Variants in TTYH3 observed in about 807,000 individuals in gnomAD.
TTYH3 encodes the protein protein tweety homolog 3.
A neutral mutation model predicts 68.2 loss-of-function variants in TTYH3; 23 were observed. The observed-to-expected ratio is 0.34, with a 90% CI of 0.24 to 0.48. The LOEUF (loss-of-function observed/expected upper bound fraction) is 0.48, where lower values mean the gene tolerates loss of function less well. Ranked by LOEUF, TTYH3 falls within the 20% of genes least tolerant of loss-of-function variation. The pLI, the probability that TTYH3 is intolerant of heterozygous loss-of-function variation, is 0.99. For missense variants in TTYH3, 768 were observed against 727.7 expected, an observed-to-expected ratio of 1.06 and a Z score of -0.64; for synonymous variants, 360 against 332.8, an observed-to-expected ratio of 1.08 and a Z score of -0.89.
In TTYH3 at chr7:2,640,396, G is replaced by A. The variant is rs376328954; in HGVS notation, c.124-6457G>A. Among the ~76,000 whole-genome samples, 755 of 128,024 alleles carry A rather than the reference G, an allele frequency of 5.9e-3. 9 individuals carry two copies. The highest frequency in any genetic ancestry group is 0.019 in the African/African-American group (731 of 39,440). 84.0% of individuals were successfully genotyped at this position (128,024 alleles called of 152,430 possible). ...GTGTGCATGTAGAGCAGCCGCCTGT[G>A]TGTGTGTGGGGGGGGACGTGTGTTC... On this transcript the variant is annotated intron_variant, in intron 1 of 13. Transcript: ENST00000258796.
chr7:2,657,679 G>A (rs1162869768), intron 11 of TTYH3, among the ~76,000 whole-genome samples: 2 of 152,150 alleles, frequency 1.3e-5, no homozygotes, highest in East Asian at 1.9e-4. Flanking sequence ...CTGGAGTGTC[G>A]AGTGGGCACT....
chr7:2,639,604 C>T lies in TTYH3; in HGVS notation c.124-7249C>T, dbSNP rs114155462. Among the ~76,000 whole-genome samples the T allele has an allele frequency of 7.2e-4, 110 of 152,346 alleles. No homozygotes were observed. The East Asian group carries it at 0.013, about 19-fold the overall frequency. On this transcript the variant is annotated intron_variant, in intron 1 of 13. Coordinates refer to ENST00000258796, the MANE Select transcript of TTYH3 (RefSeq NM_025250.3). ...TGGAAGCTGATGCTCCCAATTAGCC[C>T]GGAGCCCAGCCAGGACCACAGCCGT...
intron 13 of TTYH3, among the ~76,000 whole-genome samples, chr7:2,660,811 C>T (rs1220127622): frequency 1.3e-5 from 2 of 152,092 alleles, no homozygotes; most frequent in Non-Finnish European, 2.9e-5. Context: ...CAGGTCTCCT[C>T]ACTGCCGCCG....
Position 2,631,999 on chromosome 7 carries a change from C to CAGCCGAGCCG in TTYH3, c.-156_-147dup, listed in dbSNP as rs1303331145. The CAGCCGAGCCG allele has an allele frequency of 1.9e-6, 1 of 514,836 alleles. No individual in the cohort carries two copies. The highest frequency in any genetic ancestry group is 1.4e-4 in the East Asian group (1 of 7,406). 31.9% of individuals were successfully genotyped at this position (514,836 alleles called of 1,614,324 possible). A position where few individuals can be genotyped will look rare whatever the true frequency, so the allele number is the denominator to read the frequency against. On this transcript the variant is annotated 5_prime_UTR_variant, in exon 1 of 14. Coordinates refer to ENST00000258796, the MANE Select transcript of TTYH3 (RefSeq NM_025250.3). ...GCGGGCGGCCGAGCGGAGCCGAGCG[C>CAGCCGAGCCG]AGCCGAGCCGGGCCGAGCCGGGCCG... is the stretch of plus-strand genomic sequence containing the variant.
intron 13 of TTYH3, among the ~76,000 whole-genome samples, 192 bp from the exon 14 acceptor site, chr7:2,661,476 C>T (rs936772231): frequency 6.6e-6 from 1 of 152,150 alleles, no homozygotes; most frequent in African/African-American, 2.4e-5. Flanking sequence ...TCAGCCAGAC[C>T]TAGAGCGCAG....
chr7:2,652,137 C>T (rs370659916), intron 7 of TTYH3, 50 bp from the exon 8 acceptor site: 242 of 1,556,684 alleles, frequency 1.6e-4, no homozygotes, highest in South Asian at 1.5e-3. Flanking sequence ...TGCACGCAGT[C>T]TCACAGGGAC....
At chr7:2,661,614 G>A in intron 13 of TTYH3, 54 bp from the exon 14 acceptor site, 1 of 1,564,966 alleles carries the variant, frequency 6.4e-7, no homozygotes, top group South Asian at 1.1e-5. Context: ...GGCGCCCCTG[G>A]CTGCGTGCGC....
At chr7:2,638,154 C>T (rs1785730236) in intron 1 of TTYH3, among the ~76,000 whole-genome samples, 1 of 151,958 alleles carries the variant, frequency 6.6e-6, no homozygotes, top group Non-Finnish European at 1.5e-5. Context: ...GGGAGCTGAT[C>T]CCGGAGATGG....
At chr7:2,632,954 G>T (rs1785561355) in intron 1 of TTYH3, among the ~76,000 whole-genome samples, 1 of 152,108 alleles carries the variant, frequency 6.6e-6, no homozygotes, top group Non-Finnish European at 1.5e-5. Flanking sequence ...AGGGAGGCCC[G>T]GCGGCCAGGA....
Position 2,649,927 on chromosome 7 carries a change from C to T in TTYH3, c.810C>T (p.Phe270=), listed in dbSNP as rs1348045332. 6.2e-7 allele frequency: 1 copy of T among 1,613,868 alleles called. No homozygotes were observed. The highest frequency in any genetic ancestry group is 1.3e-5 in the African/African-American group (1 of 74,912). ...GCCCACCTCAGGGCTCCAGCGACTT[C>T]TGTGTGGACCCTGACGCCTACGTGA... is the stretch of plus-strand genomic sequence containing the variant. ...ELAVSVGSSD[F]CVDPDAYVTK... The change falls in exon 7 of 14, where the codon TTC becomes TTT. Residue 270 remains phenylalanine, a synonymous_variant. Coordinates refer to ENST00000258796, the MANE Select transcript of TTYH3 (RefSeq NM_025250.3).
In TTYH3 at chr7:2,645,684, G is replaced by C. The variant is rs1310913176; in HGVS notation, c.124-1169G>C. The C allele has an allele frequency of 9.4e-6, 4 of 424,196 alleles. No homozygotes were observed. The highest frequency in any genetic ancestry group is 8.3e-5 in the African/African-American group (4 of 48,218). The allele number at this position is 424,196 out of a possible 1,614,324, so 26.3% of individuals were successfully genotyped here. On this transcript the variant is annotated intron_variant, in intron 1 of 13. Coordinates refer to ENST00000258796, the MANE Select transcript of TTYH3 (RefSeq NM_025250.3). The surrounding 1 kb of genome is among the most constrained non-coding windows in gnomAD (Gnocchi z 4.8). The stretch of plus-strand genomic sequence containing the variant: ...CCAGCGTGGGGGCACGCCATGGACG[G>C]TGCCCACCCCTGAGTGCAGCTTCTC...
chr7:2,661,710 C>T lies in TTYH3; in HGVS notation c.1543C>T (p.Pro515Ser). 1 of 1,611,880 alleles carries T rather than the reference C, an allele frequency of 6.2e-7. No individual in the cohort carries two copies. Among genetic ancestry groups the T allele is most frequent in the Middle Eastern group, 1.7e-4 (1 of 6,060 alleles). ...MRAKYLATSQPRPDSSGSH is the reference protein window; with the variant it reads ...MRAKYLATSQSRPDSSGSH Reference sequence around the variant, plus strand: ...AGCCAAATACCTCGCCACGAGCCAGCCTCGCCCTGACTCCAGCGGCAGCCA... The same window carrying T: ...AGCCAAATACCTCGCCACGAGCCAGTCTCGCCCTGACTCCAGCGGCAGCCA... The change falls in exon 14 of 14, where the codon CCT (proline) becomes TCT (serine). Residue 515 changes from proline to serine, a missense_variant. Pro to Ser is a moderately conservative substitution (Grantham distance 74). Transcript: ENST00000258796.
At chr7:2,652,724 C>A in intron 8 of TTYH3, 194 bp from the exon 9 acceptor site, 1 of 593,820 alleles carries the variant, frequency 1.7e-6, no homozygotes, top group South Asian at 2.1e-5. Flanking sequence ...CTGTTACCAC[C>A]TCAGGGCTCT....
chr7:2,646,428 C>T (rs974704312), intron 1 of TTYH3, among the ~76,000 whole-genome samples: 10 of 152,344 alleles, frequency 6.6e-5, no homozygotes, highest in Admixed American at 3.9e-4. Flanking sequence ...TCGTTTGTCA[C>T]CCACATTCTC....
chr7:2,661,796 T>G lies in TTYH3; in HGVS notation c.*57T>G. The G allele has an allele frequency of 1.9e-6, 3 of 1,548,842 alleles. No individual in the cohort carries two copies. The highest frequency in any genetic ancestry group is 2.6e-6 in the Non-Finnish European group (3 of 1,145,542). ...CAACTTCCCCTCCCCGTGCCAGCAC[T>G]GCCGCTTCCACCTGGGCCACCCACC... is the stretch of plus-strand genomic sequence containing the variant. On this transcript the variant is annotated 3_prime_UTR_variant, in exon 14 of 14. Transcript: ENST00000258796.
intron 3 of TTYH3, 42 bp downstream of exon 3, chr7:2,647,295 T>C: frequency 6.5e-7 from 1 of 1,538,564 alleles, no homozygotes; most frequent in South Asian, 1.2e-5. Flanking sequence ...CTCTTGCTGC[T>C]CCGGAGCCCC....
At chr7:2,648,750 G>C (rs992229753) in intron 5 of TTYH3, among the ~76,000 whole-genome samples, 1 of 151,760 alleles carries the variant, frequency 6.6e-6, no homozygotes, top group African/African-American at 2.4e-5. Context: ...GCCTGCAGTA[G>C]GGTGGTGGGG....
rs771149424 is a variant in TTYH3, at chr7:2,656,486, T to C, written c.1202T>C (p.Met401Thr). 6.2e-6 allele frequency: 10 copies of C among 1,611,508 alleles called. No homozygotes were observed. The South Asian group carries it at 6.6e-5, about 11-fold the overall frequency. The change falls in exon 11 of 14, where the codon ATG (methionine) becomes ACG (threonine). Residue 401 changes from methionine (M) to threonine (T), a missense_variant. By Grantham distance (81) the Met-to-Thr change is moderately conservative. Transcript: ENST00000258796. ...LALFSFVTALMFSSIVCSVPH... is the reference protein window; with the variant it reads ...LALFSFVTALTFSSIVCSVPH... ...CTCTTCTCCTTCGTCACAGCCCTCATGTTCAGCTCCATCGTCTGCAGCGTC... is the reference window on the plus strand; with the variant it reads ...CTCTTCTCCTTCGTCACAGCCCTCACGTTCAGCTCCATCGTCTGCAGCGTC...
rs145168154 is a variant in TTYH3, at chr7:2,649,959, T to A, written c.842T>A (p.Met281Lys). ...CVDPDAYVTK[M>K]VEEYSVLSGD... ...GACCCTGACGCCTACGTGACCAAAATGGTGGAGGAGTACTCGGTGCTGAGT... is the reference window on the plus strand; with the variant it reads ...GACCCTGACGCCTACGTGACCAAAAAGGTGGAGGAGTACTCGGTGCTGAGT... Residue 281 changes from methionine (M) to lysine (K), a missense_variant, in exon 7 of 14, where the codon ATG (methionine) becomes AAG (lysine). Physicochemically the swap from Met to Lys is moderately conservative, Grantham distance 95. Transcript: ENST00000258796. 573 of 1,613,884 alleles carry A rather than the reference T, an allele frequency of 3.6e-4. 1 individual carries two copies. In the East Asian group the frequency reaches 4.5e-3, roughly 13 times the overall value.
Sources: gnomAD v4.1 joint callset for allele counts (sites outside exome capture counted in the v4.1 genomes callset) on GRCh38, gnomAD v4.1.1 for gene constraint, Gnocchi (gnomAD v3.1) non-coding constraint, MANE v1.5 for transcripts, NCBI Gene and HGNC (gene_info 2026-07-23, HGNC 2026-07-21) for gene names.